The following DKK4 variants were observed in gnomAD, a reference collection of about 807,000 sequenced individuals.
DKK4 encodes the protein dickkopf Wnt signaling pathway inhibitor 4, also known as dickkopf-related protein 4.
A neutral mutation model predicts 14.5 loss-of-function variants in DKK4; 15 were observed. That is an observed-to-expected ratio of 1.03 (90% confidence interval 0.69 to 1.59). DKK4 has a LOEUF of 1.59. DKK4 is among the 40% of genes most tolerant of loss of function. The pLI is 0.00. For synonymous variants in DKK4, 89 were observed against 105.2 expected (o/e 0.85, Z 0.94); for missense variants, 272 against 280.3 (o/e 0.97, Z 0.21).
rs111605859 is a variant in DKK4 at position 42,375,673 on chromosome 8, C to T, written c.262+7G>A. On this transcript the variant is annotated splice_region_variant and intron_variant, in intron 2 of 3. Coordinates refer to ENST00000220812, the MANE Select transcript of DKK4 (RefSeq NM_014420.3). ...TTAAAAACCACTGTTGGCGTTATGT[C>T]GCTCACCGTTCACACAGAGTGTCCC... The T allele has an allele frequency of 1.1e-4, 176 of 1,612,912 alleles. 2 individuals carry two copies. The South Asian group carries it at 1.4e-3, about 13-fold the overall frequency.
chr8:42,379,372 TATATATAGAGAGAGAG>T (rs1296634704), upstream of DKK4, among the ~76,000 whole-genome samples: 14 of 50,610 alleles, frequency 2.8e-4, no homozygotes, highest in East Asian at 1.2e-3. Context: ...TATATATATA[TATATATAGAGAGAGAG>T]AGAGAGAGAG....
chr8:42,377,910 C>T (rs544321995), upstream of DKK4, among the ~76,000 whole-genome samples: 5 of 152,276 alleles, frequency 3.3e-5, no homozygotes, highest in South Asian at 4.1e-4. Flanking sequence ...ACAATGATAG[C>T]GCATTTTACA....
chr8:42,376,944 C>T lies in DKK4; in HGVS notation c.102G>A (p.Gly34=). ...TCCCTAGCAGCCTTACCTTCCGGGC[C>T]CCATGCAGGTCAGCAGAGCTCCTGA... ...NNIRSSADLH[G]ARKGSQCLSD... Residue 34 remains glycine (G), a synonymous_variant, in exon 1 of 4, where the codon GGG becomes GGA. Coordinates refer to ENST00000220812, the MANE Select transcript of DKK4 (RefSeq NM_014420.3). 6.2e-7 allele frequency: 1 copy of T among 1,613,692 alleles called. No individual in the cohort carries two copies. The highest frequency in any genetic ancestry group is 8.5e-7 in the Non-Finnish European group (1 of 1,179,990).
At chr8:42,386,979 C>T in the DKK4 span, among the ~76,000 whole-genome samples, 44 of 152,258 alleles carry the variant, frequency 2.9e-4, no homozygotes, top group African/African-American at 1.1e-3. Context: ...AGGGGGTTAC[C>T]TTGGCTCAGC....
At chr8:42,382,834 TC>T in the DKK4 span, among the ~76,000 whole-genome samples, 4 of 152,130 alleles carry the variant, frequency 2.6e-5, no homozygotes, top group African/African-American at 9.7e-5. Context: ...TTTCCAGAGG[TC>T]CCAGTTTCTG....
the DKK4 span, among the ~76,000 whole-genome samples, chr8:42,385,384 C>T: frequency 2.6e-4 from 39 of 151,892 alleles, 1 homozygote; most frequent in Admixed American, 2.6e-3. Flanking sequence ...AGAGTGACAC[C>T]CCGTCTCAAA....
chr8:42,391,038 T>C, the DKK4 span, among the ~76,000 whole-genome samples: 1 of 152,226 alleles, frequency 6.6e-6, no homozygotes, highest in Non-Finnish European at 1.5e-5. Flanking sequence ...TCATCTATTC[T>C]ACCTTTATTA....
In DKK4 at chr8:42,377,107, T is replaced by TGGGTGGAGAGCAG; in HGVS notation, c.-63_-62insCTGCTCTCCACCC. ...GTGCGTCACCAAAGCGAGGCTGCTC[T>TGGGTGGAGAGCAG]CCACCCAGAGCAGAGCTTCCACTAA... On this transcript the variant is annotated 5_prime_UTR_variant, in exon 1 of 4. Coordinates refer to ENST00000220812, the MANE Select transcript of DKK4 (RefSeq NM_014420.3). 1.4e-6 allele frequency: 2 copies of TGGGTGGAGAGCAG among 1,415,744 alleles called. No individual in the cohort carries two copies. The highest frequency in any genetic ancestry group is 2.4e-5 in the East Asian group (1 of 42,350). 87.7% of individuals were successfully genotyped at this position (1,415,744 alleles called of 1,614,324 possible). A position where few individuals can be genotyped will look rare whatever the true frequency, so the allele number is the denominator to read the frequency against.
chr8:42,390,262 A>G, the DKK4 span, among the ~76,000 whole-genome samples: 2 of 151,878 alleles, frequency 1.3e-5, no homozygotes, highest in Non-Finnish European at 1.5e-5. Context: ...CGATTGTCCC[A>G]ATAACGTTCC....
intron 1 of DKK4, 36 bp from the exon 2 acceptor site, chr8:42,375,866 C>A: frequency 6.2e-7 from 1 of 1,608,414 alleles, no homozygotes; most frequent in Non-Finnish European, 8.5e-7. Context: ...GGCTAGGAAA[C>A]CCCCAACACG....
chr8:42,379,587 G>C (rs1299977246), upstream of DKK4, among the ~76,000 whole-genome samples: 1 of 151,732 alleles, frequency 6.6e-6, no homozygotes, highest in Non-Finnish European at 1.5e-5. Context: ...GACTTATGAA[G>C]ATATAAATAC....
At chr8:42,390,662 C>A in the DKK4 span, among the ~76,000 whole-genome samples, 1 of 152,186 alleles carries the variant, frequency 6.6e-6, no homozygotes, top group Non-Finnish European at 1.5e-5. Context: ...TAACCTAGAG[C>A]AGTTCACTAG....
chr8:42,375,532 AAG>A (rs1330842456), intron 2 of DKK4, 146 bp downstream of exon 2: 429 of 1,064,888 alleles, frequency 4.0e-4, no homozygotes, highest in Admixed American at 1.0e-3. Context: ...AAAAAAAAAA[AAG>A]GAAAAGAAAA....
At chr8:42,380,676 GAAAGAAAAGA>G (rs551626541), upstream of DKK4, among the ~76,000 whole-genome samples, 3 of 135,968 alleles carry the variant, frequency 2.2e-5, no homozygotes, top group Admixed American at 7.9e-5. Context: ...GGAAGAAAGA[GAAAGAAAAGA>G]AAAGAAAAGA....
chr8:42,381,084 T>G (rs1824672519), upstream of DKK4, among the ~76,000 whole-genome samples: 1 of 151,982 alleles, frequency 6.6e-6, no homozygotes, highest in South Asian at 2.1e-4. Flanking sequence ...TCAGTTGTCA[T>G]TGCCCCGATG....
intron 2 of DKK4, 50 bp from the exon 3 acceptor site, chr8:42,374,963 CCA>C: frequency 6.3e-7 from 1 of 1,588,944 alleles, no homozygotes; most frequent in Admixed American, 1.7e-5. Flanking sequence ...AGGGGGAGAA[CCA>C]CAGACACACT....
In DKK4 at chr8:42,375,844, CTG is replaced by C; in HGVS notation, c.112-16_112-15del. The stretch of plus-strand genomic sequence containing the variant: ...GCACTGTGAGCCCTGTGGAGGGAAT[CTG>C]TTATCACAAGGCTAGGAAACCCCCA... On this transcript the variant is annotated splice_polypyrimidine_tract_variant and intron_variant, in intron 1 of 3. Transcript: ENST00000220812. The C allele has an allele frequency of 1.9e-6, 3 of 1,613,254 alleles. No homozygotes were observed. Among genetic ancestry groups the C allele is most frequent in the Non-Finnish European group, 2.5e-6 (3 of 1,179,584 alleles).
chr8:42,381,946 A>T (rs1824686808), upstream of DKK4, among the ~76,000 whole-genome samples: 1 of 152,148 alleles, frequency 6.6e-6, no homozygotes. Flanking sequence ...GCAGTGAGCC[A>T]AGACTACACT....
chr8:42,374,756 C>T lies in DKK4; in HGVS notation c.415+5G>A, dbSNP rs761675697. ...AATAAAATATGCTGCGAATGCTGTT[C>T]TTACCCTTCCTGCCTTGTGATTTCT... is the stretch of plus-strand genomic sequence containing the variant. On this transcript the variant is annotated splice_donor_5th_base_variant and intron_variant, in intron 3 of 3. Transcript: ENST00000220812. The T allele has an allele frequency of 1.2e-6, 2 of 1,614,178 alleles. No individual in the cohort carries two copies. The highest frequency in any genetic ancestry group is 1.7e-6 in the Non-Finnish European group (2 of 1,180,032).
Sources: allele counts gnomAD v4.1 joint callset (sites outside exome capture counted in the v4.1 genomes callset), GRCh38; gene constraint gnomAD v4.1.1; transcripts MANE v1.5; gene names NCBI Gene and HGNC (gene_info 2026-07-23, HGNC 2026-07-21).